The following TNKS variants were observed in gnomAD, a reference collection of about 807,000 sequenced individuals.
TNKS encodes tankyrase, also known as poly [ADP-ribose] polymerase tankyrase-1.
In TNKS, 72 loss-of-function variants were observed where a neutral mutation model predicts 135.8. The observed-to-expected ratio is 0.53, with a 90% CI of 0.44 to 0.64. The LOEUF is 0.64. TNKS is among the 30% of genes least tolerant of loss of function. TNKS has a pLI of 0.00. For synonymous variants in TNKS, 849 were observed against 649.3 expected, an observed-to-expected ratio of 1.31 and a Z score of -4.68; for missense variants, 1,769 against 1,674.0, an observed-to-expected ratio of 1.06 and a Z score of -0.99.
intron 22 of TNKS, among the ~76,000 whole-genome samples, chr8:9,763,657 C>T (rs997955408): frequency 3.9e-5 from 6 of 152,132 alleles, no homozygotes; most frequent in East Asian, 1.9e-4. Context: ...TATGCCTAAT[C>T]GTCACGTATG....
Position 9,764,728 on chromosome 8 carries a change from A to G in TNKS, c.3385A>G (p.Ile1129Val), listed in dbSNP as rs772519596. Residue 1129 changes from isoleucine (I) to valine (V), a missense_variant, in exon 23 of 27, where the codon ATT (isoleucine) becomes GTT (valine). Ile to Val is a conservative substitution (Grantham distance 29). This residue lies in a region of TNKS where 722 missense variants were observed against 688.9 expected (regional missense o/e 1.05). Coordinates refer to ENST00000310430, the MANE Select transcript of TNKS (RefSeq NM_003747.3). ...QSVEEEMQST[I>V]REHRDGGNAG... ...TTTTGTTCTGTAGATGCAAAGTACTATTCGAGAACACAGAGATGGTGGTAA... is the reference window on the plus strand; with the variant it reads ...TTTTGTTCTGTAGATGCAAAGTACTGTTCGAGAACACAGAGATGGTGGTAA... 1.0e-5 allele frequency: 16 copies of G among 1,599,548 alleles called. No individual in the cohort carries two copies. The East Asian group carries it at 2.3e-4, about 23-fold the overall frequency.
At chr8:9,591,391 G>A (rs761916077) in intron 2 of TNKS, among the ~76,000 whole-genome samples, 1 of 152,204 alleles carries the variant, frequency 6.6e-6, no homozygotes, top group Non-Finnish European at 1.5e-5. Flanking sequence ...TATAACGCTG[G>A]ATGTATGTCT....
At chr8:9,578,239 C>G (rs1301653498) in intron 1 of TNKS, among the ~76,000 whole-genome samples, 1 of 152,184 alleles carries the variant, frequency 6.6e-6, no homozygotes, top group Non-Finnish European at 1.5e-5. Context: ...AATAATTCAA[C>G]CTTCCTGGGT....
intron 1 of TNKS, chr8:9,575,469 C>G (rs1428178038): frequency 1.0e-6 from 1 of 968,190 alleles, no homozygotes; most frequent in African/African-American, 1.8e-5. Flanking sequence ...GACAAACTGA[C>G]CAACCAAAAA....
intron 3 of TNKS, among the ~76,000 whole-genome samples, chr8:9,656,137 G>A (rs184596801): frequency 6.6e-6 from 1 of 152,306 alleles, no homozygotes; most frequent in East Asian, 1.9e-4. Flanking sequence ...GGAAGAAAGA[G>A]TATCAGCGAT....
rs111724708 is a variant in TNKS at position 9,579,529 on chromosome 8, C to T, written c.674-630C>T. ...TATTGCCCAGGCTGGAATGCAGTGG[C>T]GTGGTCTCGGCTCACTGCCATCTCT... On this transcript the variant is annotated intron_variant, in intron 1 of 26. Transcript: ENST00000310430. Among the ~76,000 whole-genome samples, 323 of 152,164 alleles carry T rather than the reference C, an allele frequency of 2.1e-3. 1 individual carries two copies. The highest frequency in any genetic ancestry group is 7.1e-3 in the African/African-American group (295 of 41,504).
intron 26 of TNKS, 95 bp downstream of exon 26, chr8:9,770,357 T>C (rs745628766): frequency 1.7e-4 from 212 of 1,275,758 alleles, no homozygotes; most frequent in Non-Finnish European, 2.1e-4. Flanking sequence ...CAGTGAAATA[T>C]CCACCACACA....
At chr8:9,704,048 G>A (rs1026717392) in intron 5 of TNKS, among the ~76,000 whole-genome samples, 8 of 152,166 alleles carry the variant, frequency 5.3e-5, no homozygotes, top group African/African-American at 1.7e-4. Flanking sequence ...ACATAAAATG[G>A]AAGAATTAAA....
At chr8:9,592,721 A>C (rs1798632086) in intron 2 of TNKS, among the ~76,000 whole-genome samples, 1 of 152,216 alleles carries the variant, frequency 6.6e-6, no homozygotes. Flanking sequence ...AAAGCAGTTC[A>C]CTGGAAGAAG....
intron 12 of TNKS, among the ~76,000 whole-genome samples, chr8:9,725,877 A>G (rs1585381374): frequency 6.6e-6 from 1 of 152,368 alleles, no homozygotes; most frequent in East Asian, 1.9e-4. Context: ...TCAAAATAAT[A>G]ACTCATTTGT....
chr8:9,578,646 T>C (rs578175703), intron 1 of TNKS, among the ~76,000 whole-genome samples: 51 of 152,334 alleles, frequency 3.3e-4, no homozygotes, highest in African/African-American at 1.2e-3. Flanking sequence ...ATTTCTTTTT[T>C]CCCCTTACTC....
At chr8:9,643,547 C>G (rs1585268148) in intron 3 of TNKS, among the ~76,000 whole-genome samples, 2 of 152,198 alleles carry the variant, frequency 1.3e-5, no homozygotes, top group Admixed American at 6.5e-5. Context: ...TTCCAACATA[C>G]AAACTTGGAG....
At chr8:9,604,774 A>T (rs186846035) in intron 2 of TNKS, among the ~76,000 whole-genome samples, 74 of 151,532 alleles carry the variant, frequency 4.9e-4, no homozygotes, top group African/African-American at 1.4e-3. Flanking sequence ...GTATATATAT[A>T]TTTTATTTTT....
At chr8:9,580,783 GT>G (rs1483880746) in intron 2 of TNKS, among the ~76,000 whole-genome samples, 1 of 152,054 alleles carries the variant, frequency 6.6e-6, no homozygotes, top group Non-Finnish European at 1.5e-5. Flanking sequence ...TAGTATAGTA[GT>G]CCCCCCGCTT....
At chr8:9,747,306 C>T (rs1355830247) in intron 17 of TNKS, among the ~76,000 whole-genome samples, 1 of 142,134 alleles carries the variant, frequency 7.0e-6, no homozygotes, top group Non-Finnish European at 1.5e-5. Flanking sequence ...CTCTCTCTCT[C>T]TTCTGTTGTG....
intron 20 of TNKS, among the ~76,000 whole-genome samples, chr8:9,758,362 C>G (rs1011543805): frequency 1.3e-5 from 2 of 149,294 alleles, no homozygotes; most frequent in African/African-American, 5.0e-5. Flanking sequence ...CTTTTCATCT[C>G]TTCTATCCTT....
chr8:9,620,729 G>C (rs1563122465), intron 3 of TNKS, among the ~76,000 whole-genome samples: 4 of 152,190 alleles, frequency 2.6e-5, no homozygotes, highest in Non-Finnish European at 5.9e-5. Flanking sequence ...CACTTCCCCA[G>C]TTCATCAGTT....
chr8:9,698,098 C>T (rs1001774494), intron 5 of TNKS, among the ~76,000 whole-genome samples: 1 of 152,064 alleles, frequency 6.6e-6, no homozygotes, highest in African/African-American at 2.4e-5. Context: ...ATGCCCTTTG[C>T]AGCAATATGA....
chr8:9,662,356 C>G (rs1411616086), intron 3 of TNKS, among the ~76,000 whole-genome samples: 1 of 152,170 alleles, frequency 6.6e-6, no homozygotes, highest in Non-Finnish European at 1.5e-5. Flanking sequence ...AAATGTCCAT[C>G]AACGATAGAC....
Sources: allele counts gnomAD v4.1 joint callset (sites outside exome capture counted in the v4.1 genomes callset), GRCh38; gene constraint gnomAD v4.1.1; regional missense constraint gnomAD v4.1.1; transcripts MANE v1.5; gene names NCBI Gene and HGNC (gene_info 2026-07-23, HGNC 2026-07-21).